Variants in TNS1 observed in about 807,000 individuals in gnomAD.
The protein encoded by TNS1 is tensin-1.
In TNS1, 62 loss-of-function variants were observed where a neutral mutation model predicts 168.6. The ratio of observed to expected loss-of-function variants is 0.37; its 90% confidence interval spans 0.30 to 0.45. The LOEUF (loss-of-function observed/expected upper bound fraction) is 0.45, where lower values mean the gene tolerates loss of function less well. Among genes scored for constraint, TNS1 ranks in the 20% least tolerant of loss-of-function variants. The probability of loss-of-function intolerance (pLI) is 1.00; values close to 1 mark genes in which losing one functional copy is unlikely to be tolerated. For missense variants in TNS1, 2,240 were observed against 2,339.4 expected, an observed-to-expected ratio of 0.96 and a Z score of 0.88; for synonymous variants, 934 against 933.2, an observed-to-expected ratio of 1.00 and a Z score of -0.02.
intron 18 of TNS1, chr2:217,859,595 G>C: frequency 6.6e-7 from 1 of 1,508,986 alleles, no homozygotes; most frequent in African/African-American, 1.4e-5. Flanking sequence ...CATTTTGGAG[G>C]GCCTAACTTT....
chr2:217,938,199 G>A lies in TNS1; in HGVS notation c.187-17963C>T, dbSNP rs375965855. On this transcript the variant is annotated intron_variant, in intron 3 of 32. Transcript: ENST00000682258. ...TGCCTTTTGCAGCTGCAACTGGGCG[G>A]GCCAGGGGTCCGGAAATGGAGTTCA... Among the ~76,000 whole-genome samples, 19 of 152,322 alleles carry A rather than the reference G, an allele frequency of 1.2e-4. No homozygotes were observed. In the East Asian group the frequency reaches 3.3e-3, roughly 26 times the overall value.
chr2:217,998,074 G>A (rs777022639), intron 1 of TNS1, among the ~76,000 whole-genome samples: 4 of 152,184 alleles, frequency 2.6e-5, no homozygotes, highest in Non-Finnish European at 5.9e-5. Flanking sequence ...CTGAGGAGAT[G>A]CTCTTGGTCT....
In TNS1 at chr2:217,847,676, G is replaced by A. The variant is rs746430102; in HGVS notation, c.2841C>T (p.Phe947=). 1.2e-5 allele frequency: 19 copies of A among 1,599,602 alleles called. No individual in the cohort carries two copies. The South Asian group carries it at 2.0e-4, about 17-fold the overall frequency. Reference sequence around the variant, plus strand: ...CTGGAGGGCTGTGGGTGGTCGGAAGGAAGGCAGGCAAGGAGGAAGAGGCTG... The same window carrying A: ...CTGGAGGGCTGTGGGTGGTCGGAAGAAAGGCAGGCAAGGAGGAAGAGGCTG... ...KSPASSSLPA[F]LPTTHSPPGP... The change falls in exon 19 of 33, where the codon TTC becomes TTT. Residue 947 remains phenylalanine, a synonymous_variant. Coordinates refer to ENST00000682258, the MANE Select transcript of TNS1 (RefSeq NM_001387777.1).
In TNS1 at chr2:217,831,470, A is replaced by C. The variant is rs1944411193; in HGVS notation, c.3358T>G (p.Leu1120Val). 6.3e-7 allele frequency: 1 copy of C among 1,589,086 alleles called. No homozygotes were observed. The highest frequency in any genetic ancestry group is 8.6e-7 in the Non-Finnish European group (1 of 1,168,364). ...CCCAACTCACCTCCTGTGGGGTGCA[A>C]CAGGATGTCCGCTGGGTTGTGAGGT... ...LKPHNPADILLHPTGEPRSYV... is the reference protein window; with the variant it reads ...LKPHNPADILVHPTGEPRSYV... Residue 1120 changes from leucine (L) to valine (V), a missense_variant, in exon 22 of 33, where the codon TTG (leucine) becomes GTG (valine). Physicochemically the swap from Leu to Val is conservative, Grantham distance 32. Coordinates refer to ENST00000682258, the MANE Select transcript of TNS1 (RefSeq NM_001387777.1).
rs3791933 is a variant in TNS1, at chr2:217,904,749, G to A, written c.321+1586C>T. On this transcript the variant is annotated intron_variant, in intron 6 of 32. Coordinates refer to ENST00000682258, the MANE Select transcript of TNS1 (RefSeq NM_001387777.1). Reference sequence around the variant, plus strand: ...CTTGCAATCAAAAGTTCTTCGTGACGTCTAACTTCACTGTCTCTTGCTGTA... The same window carrying A: ...CTTGCAATCAAAAGTTCTTCGTGACATCTAACTTCACTGTCTCTTGCTGTA... Among the ~76,000 whole-genome samples, 37 of 152,336 alleles carry A rather than the reference G, an allele frequency of 2.4e-4. No homozygotes were observed. The East Asian group carries it at 5.8e-3, about 24-fold the overall frequency.
chr2:217,866,910 A>G (rs1266900004), intron 18 of TNS1, among the ~76,000 whole-genome samples: 2 of 152,134 alleles, frequency 1.3e-5, no homozygotes, highest in African/African-American at 2.4e-5. Flanking sequence ...TCAAACCCCA[A>G]CTGCATGGGG....
intron 18 of TNS1, chr2:217,859,407 T>C (rs1948570735): frequency 3.9e-6 from 2 of 517,304 alleles, no homozygotes; most frequent in East Asian, 2.9e-5. Context: ...GCCAGAACAC[T>C]TCCTTGGCTT....
At chr2:218,000,726 C>T (rs568743924) in intron 1 of TNS1, among the ~76,000 whole-genome samples, 1 of 152,336 alleles carries the variant, frequency 6.6e-6, no homozygotes, top group East Asian at 1.9e-4. Flanking sequence ...GGACTGCTTC[C>T]TCTGTCCAGT....
At position 217,952,107 on chromosome 2, in the gene TNS1, T is replaced by C. The variant is rs181245182; in HGVS notation, c.186+26658A>G. Among the ~76,000 whole-genome samples, 4 of 152,214 alleles carry C rather than the reference T, an allele frequency of 2.6e-5. No homozygotes were observed. The East Asian group carries it at 7.7e-4, about 29-fold the overall frequency. On this transcript the variant is annotated intron_variant, in intron 3 of 32. Coordinates refer to ENST00000682258, the MANE Select transcript of TNS1 (RefSeq NM_001387777.1). ...CACAAACACACAACACAAATCGTGC[T>C]GAGTGACCTGAAGGGAAAGAACAGG...
chr2:217,943,852 T>C (rs735061), intron 3 of TNS1: 64,345 of 152,632 alleles, frequency 0.42, 19,255 homozygotes, highest in African/African-American at 0.86. Context: ...CACACGCACA[T>C]TCATTCACTC....
chr2:217,893,609 CA>C (rs1951979120), intron 9 of TNS1, 48 bp from the exon 10 acceptor site: 1 of 1,552,276 alleles, frequency 6.4e-7, no homozygotes, highest in Admixed American at 1.9e-5. Context: ...CCTGCAGAGC[CA>C]AACAAGCCAG....
intron 3 of TNS1, among the ~76,000 whole-genome samples, chr2:217,963,648 TA>T (rs1182265305): frequency 6.6e-6 from 1 of 151,962 alleles, no homozygotes; most frequent in African/African-American, 2.4e-5. Context: ...GATAAATATT[TA>T]AGTTGATGGA....
intron 1 of TNS1, among the ~76,000 whole-genome samples, chr2:218,009,702 CAG>C (rs1375459528): frequency 1.3e-5 from 2 of 152,182 alleles, no homozygotes; most frequent in Non-Finnish European, 2.9e-5. Flanking sequence ...GATCGGGGGA[CAG>C]GGGGCATTTC....
intron 2 of TNS1, among the ~76,000 whole-genome samples, chr2:217,989,689 G>A (rs961832137): frequency 2.6e-5 from 4 of 152,060 alleles, no homozygotes; most frequent in Admixed American, 1.3e-4. Context: ...CAGGTCCTCC[G>A]CTGAGTCTGA....
chr2:217,925,383 C>G (rs1455560953), intron 3 of TNS1, among the ~76,000 whole-genome samples: 1 of 152,132 alleles, frequency 6.6e-6, no homozygotes, highest in Non-Finnish European at 1.5e-5. Flanking sequence ...GGGTGACACT[C>G]CTGTCCCCAG....
chr2:217,910,210 C>G (rs371149971), intron 4 of TNS1, among the ~76,000 whole-genome samples: 1 of 152,156 alleles, frequency 6.6e-6, no homozygotes, highest in African/African-American at 2.4e-5. Context: ...AGCACCATCC[C>G]CTTTGCCCCC....
intron 18 of TNS1, among the ~76,000 whole-genome samples, chr2:217,878,269 C>A (rs985147577): frequency 2.0e-5 from 3 of 152,156 alleles, no homozygotes; most frequent in African/African-American, 7.2e-5. Context: ...CTTTCTCTGT[C>A]CATGGGTGAG....
At chr2:217,825,231 G>A (rs1190033413) in intron 22 of TNS1, among the ~76,000 whole-genome samples, 1 of 152,108 alleles carries the variant, frequency 6.6e-6, no homozygotes. Flanking sequence ...GGATAGCTTT[G>A]GCCTTTGGCT....
chr2:217,991,406 G>A (rs550038410), intron 1 of TNS1, among the ~76,000 whole-genome samples: 6 of 152,032 alleles, frequency 3.9e-5, no homozygotes, highest in Admixed American at 6.6e-5. Context: ...CACTCGATAC[G>A]TTCCACACAT....
Sources: allele counts gnomAD v4.1 joint callset (sites outside exome capture counted in the v4.1 genomes callset), GRCh38; gene constraint gnomAD v4.1.1; transcripts MANE v1.5; gene names NCBI Gene and HGNC (gene_info 2026-07-23, HGNC 2026-07-21).